Variants in TMIGD2 observed in about 807,000 individuals in gnomAD.
The protein encoded by TMIGD2 is transmembrane and immunoglobulin domain containing 2.
Under a neutral mutation model 22.6 loss-of-function variants are expected in TMIGD2, and 18 were observed. The ratio of observed to expected loss-of-function variants is 0.80; its 90% confidence interval spans 0.55 to 1.18. The LOEUF (loss-of-function observed/expected upper bound fraction) is 1.18, where lower values mean the gene tolerates loss of function less well. TMIGD2 is among the 50% of genes most tolerant of loss of function. The pLI is 0.00. For synonymous variants in TMIGD2, 184 were observed against 154.1 expected (o/e 1.19, Z -1.44); for missense variants, 361 against 378.2 (o/e 0.95, Z 0.38).
chr19:4,298,997 C>G (rs1971500203), intron 1 of TMIGD2, among the ~76,000 whole-genome samples: 1 of 152,134 alleles, frequency 6.6e-6, no homozygotes, highest in Non-Finnish European at 1.5e-5. Flanking sequence ...AGCTGACAAT[C>G]TAGGGCAAGA....
intron 4 of TMIGD2, among the ~76,000 whole-genome samples, chr19:4,293,166 T>TGC (rs1336151298): frequency 6.6e-6 from 1 of 151,912 alleles, no homozygotes; most frequent in Non-Finnish European, 1.5e-5. Context: ...GGTTTCACTG[T>TGC]TAGCCAGGAT....
At chr19:4,298,393 G>C (rs1431071516) in intron 1 of TMIGD2, 48 bp from the exon 2 acceptor site, 3 of 1,505,502 alleles carry the variant, frequency 2.0e-6, no homozygotes, top group Non-Finnish European at 2.6e-6. Flanking sequence ...GTGCGCATGT[G>C]AGGCTGTGTG....
At chr19:4,292,624 C>T (rs150052833) in exon 5 of TMIGD2, 1 of 1,613,086 alleles carries the variant, frequency 6.2e-7, no homozygotes, top group Admixed American at 1.7e-5. Context: ...TTTGGGGAAC[C>T]CTTTTGGCCT....
chr19:4,298,383 G>A, intron 1 of TMIGD2, 38 bp from the exon 2 acceptor site: 1 of 1,514,782 alleles, frequency 6.6e-7, no homozygotes. Flanking sequence ...CTTTCTGACT[G>A]TGCGCATGTG....
intron 4 of TMIGD2, among the ~76,000 whole-genome samples, chr19:4,293,251 G>A (rs1203988401): frequency 2.5e-4 from 36 of 144,940 alleles, no homozygotes; most frequent in East Asian, 8.2e-4. Context: ...GTGAGCCACC[G>A]CGCCCGGCCT....
intron 4 of TMIGD2, 38 bp from the exon 5 acceptor site, chr19:4,292,923 A>G: frequency 6.2e-7 from 1 of 1,610,130 alleles, no homozygotes. Flanking sequence ...ATCACTTAAG[A>G]GAGTCCTGCC....
In TMIGD2 at chr19:4,300,625, G is replaced by T. The variant is rs550582166; in HGVS notation, c.46+1715C>A. The stretch of plus-strand genomic sequence containing the variant: ...CCCACCTCAGCCTCCCAAATTACTG[G>T]TGTTACAAGTACATGCCACTGTGCT... On this transcript the variant is annotated intron_variant, in intron 1 of 4. Coordinates refer to ENST00000301272, the Ensembl canonical transcript of TMIGD2. Among the ~76,000 whole-genome samples the T allele has an allele frequency of 6.1e-4, 93 of 152,340 alleles. 2 individuals are homozygous for T. The South Asian group carries it at 0.019, about 31-fold the overall frequency.
chr19:4,300,133 T>A (rs1350752767), intron 1 of TMIGD2, among the ~76,000 whole-genome samples: 1 of 149,574 alleles, frequency 6.7e-6, no homozygotes, highest in African/African-American at 2.5e-5. Context: ...TGGTGGCGGG[T>A]GCCTGTAATC....
rs1599519850 is a variant in TMIGD2 at position 4,292,682 on chromosome 19, CG to C, written c.765del (p.Val256SerfsTer40). 1 of 1,603,076 alleles carries C rather than the reference CG, an allele frequency of 6.2e-7. No homozygotes were observed. The highest frequency in any genetic ancestry group is 1.8e-5 in the Admixed American group (1 of 56,524). On this transcript the variant is annotated frameshift_variant, in exon 5 of 5. Transcript: ENST00000301272. LOFTEE classifies it low-confidence loss of function (END_TRUNC). ...CTAGGAGAGACCCTGACCATAGAGA[CG>C]GGGTGGCCGGGCCTGGGGCTGGGGC...
intron 2 of TMIGD2, among the ~76,000 whole-genome samples, chr19:4,295,588 T>A (rs1197630751): frequency 1.3e-5 from 2 of 151,852 alleles, no homozygotes; most frequent in Non-Finnish European, 2.9e-5. Flanking sequence ...AGGCTCATCG[T>A]CCCTGTCTTG....
At chr19:4,297,403 T>C (rs932349741) in intron 2 of TMIGD2, among the ~76,000 whole-genome samples, 2 of 152,054 alleles carry the variant, frequency 1.3e-5, no homozygotes, top group African/African-American at 4.8e-5. Context: ...AGGGTCTCGC[T>C]CTGTCGCCCA....
Position 4,293,207 on chromosome 19 carries a change from C to T in TMIGD2, c.563-322G>A, listed in dbSNP as rs550397500. ...TGATCTCCTGACCTCGTGATCCACCCGCCTCGGCCTCCCAAAGTGCTGGGA... is the reference window on the plus strand; with the variant it reads ...TGATCTCCTGACCTCGTGATCCACCTGCCTCGGCCTCCCAAAGTGCTGGGA... On this transcript the variant is annotated intron_variant, in intron 4 of 4. Coordinates refer to ENST00000301272, the Ensembl canonical transcript of TMIGD2. 2.0e-4 allele frequency among the ~76,000 whole-genome samples: 30 copies of T among 151,446 alleles called. 2 individuals carry two copies. The highest frequency in any genetic ancestry group is 3.6e-4 in the African/African-American group (15 of 41,172).
chr19:4,296,665 G>A (rs1053481897), intron 2 of TMIGD2, among the ~76,000 whole-genome samples: 4 of 152,084 alleles, frequency 2.6e-5, no homozygotes, highest in South Asian at 2.1e-4. Flanking sequence ...GGTGGGAAGA[G>A]GTGGGTAACA....
chr19:4,297,787 G>A (rs1441762361), intron 2 of TMIGD2, among the ~76,000 whole-genome samples, 199 bp downstream of exon 2: 2 of 151,672 alleles, frequency 1.3e-5, no homozygotes, highest in East Asian at 1.9e-4. Flanking sequence ...CCTAGGAGGC[G>A]GAGGTTGCAG....
At chr19:4,292,546 C>T in exon 5 of TMIGD2, 1 of 1,554,268 alleles carries the variant, frequency 6.4e-7, no homozygotes, top group Non-Finnish European at 8.9e-7. Context: ...CTCGATCCCC[C>T]CTTTTTTGTG....
chr19:4,299,170 G>A, intron 1 of TMIGD2, among the ~76,000 whole-genome samples: 1 of 151,868 alleles, frequency 6.6e-6, no homozygotes, highest in Middle Eastern at 3.2e-3. Flanking sequence ...TTTGAGTTGG[G>A]GTCTGGCTCT....
At chr19:4,293,322 G>A (rs1196207787) in intron 4 of TMIGD2, among the ~76,000 whole-genome samples, 2 of 143,764 alleles carry the variant, frequency 1.4e-5, no homozygotes, top group Non-Finnish European at 3.0e-5. Context: ...TAGCAGCGGT[G>A]CGATCTCAGC....
At chr19:4,292,964 C>CTT (rs11287595) in intron 4 of TMIGD2, 79 bp from the exon 5 acceptor site, 807 of 1,373,408 alleles carry the variant, frequency 5.9e-4, no homozygotes, top group Admixed American at 1.1e-3. Context: ...GGATCTGTCT[C>CTT]TTTTTTTTTT....
At chr19:4,302,305 T>C in intron 1 of TMIGD2, 35 bp downstream of exon 1, 2 of 1,544,610 alleles carry the variant, frequency 1.3e-6, no homozygotes, top group South Asian at 1.2e-5. Flanking sequence ...ACAGCAAGAG[T>C]GGGGTTCAGA....
Sources: allele counts gnomAD v4.1 joint callset (sites outside exome capture counted in the v4.1 genomes callset), GRCh38; gene constraint gnomAD v4.1.1; transcripts MANE v1.5; gene names NCBI Gene and HGNC (gene_info 2026-07-23, HGNC 2026-07-21).